The following GDA variants were observed in gnomAD, a reference collection of about 807,000 sequenced individuals.
GDA encodes cytoplasmic PSD-95 interactor.
GDA carries 18 observed loss-of-function variants against 59.6 expected under a neutral mutation model. The ratio of observed to expected loss-of-function variants is 0.30; its 90% CI spans 0.21 to 0.45. GDA has a LOEUF of 0.45. GDA is among the 20% of genes least tolerant of loss of function. The probability of loss-of-function intolerance (pLI) is 1.00; values close to 1 mark genes in which losing one functional copy is unlikely to be tolerated. For synonymous variants in GDA, 201 were observed against 201.1 expected (o/e 1.00, Z 0.00); for missense variants, 427 against 552.3 (o/e 0.77, Z 2.27).
Position 72,188,975 on chromosome 9 carries a change from A to T in GDA, c.124-6525A>T, listed in dbSNP as rs187908596. 1.0e-3 allele frequency among the ~76,000 whole-genome samples: 153 copies of T among 152,116 alleles called. 1 individual carries two copies. The highest frequency in any genetic ancestry group is 3.5e-3 in the African/African-American group (144 of 41,496). On this transcript the variant is annotated intron_variant, in intron 1 of 13. Transcript: ENST00000358399. ...CCCATTGGGTTTTGGACTTAATTGGAGTCTGTTACTCTTCTCTTTTTGCCT... is the reference window on the plus strand; with the variant it reads ...CCCATTGGGTTTTGGACTTAATTGGTGTCTGTTACTCTTCTCTTTTTGCCT...
At chr9:72,157,273 T>C (rs1319071157) in intron 1 of GDA, among the ~76,000 whole-genome samples, 2 of 152,134 alleles carry the variant, frequency 1.3e-5, no homozygotes, top group African/African-American at 4.8e-5. Flanking sequence ...ACTCCTGACC[T>C]CAGGTGATCC....
chr9:72,137,873 G>A (rs941024848), intron 1 of GDA, among the ~76,000 whole-genome samples: 3 of 152,170 alleles, frequency 2.0e-5, no homozygotes, highest in African/African-American at 7.2e-5. Flanking sequence ...AACACGAAGG[G>A]TGGCTCTACA....
In GDA at chr9:72,250,829, T is replaced by C. The variant is rs768739497; in HGVS notation, c.*2487T>C. On this transcript the variant is annotated 3_prime_UTR_variant, in exon 14 of 14. Coordinates refer to ENST00000358399, the MANE Select transcript of GDA (RefSeq NM_004293.5). ...ATGTTCCATGGTATTTTCAACGGAA[T>C]ACACTTTGAAAGGTAAAAACAATTC... The C allele has an allele frequency of 1.9e-6, 3 of 1,609,858 alleles. No individual in the cohort carries two copies. The Admixed American group carries it at 5.0e-5, about 27-fold the overall frequency.
chr9:72,171,578 T>G (rs1277886863), intron 1 of GDA, among the ~76,000 whole-genome samples: 2 of 152,122 alleles, frequency 1.3e-5, no homozygotes, highest in Non-Finnish European at 2.9e-5. Flanking sequence ...TTTTTTTTCC[T>G]GTTCAGAGAT....
chr9:72,130,570 C>T (rs1433279521), intron 1 of GDA, among the ~76,000 whole-genome samples: 1 of 152,184 alleles, frequency 6.6e-6, no homozygotes. Context: ...AGTGGCCAAA[C>T]TCCACTTCCA....
chr9:72,175,677 CT>C (rs991631451), intron 1 of GDA, among the ~76,000 whole-genome samples: 14 of 152,182 alleles, frequency 9.2e-5, no homozygotes, highest in African/African-American at 3.1e-4. Context: ...CTGCATTAAT[CT>C]TTTGTTGTAG....
chr9:72,253,041 A>G (rs890588735), downstream of GDA, among the ~76,000 whole-genome samples: 3 of 152,222 alleles, frequency 2.0e-5, no homozygotes, highest in African/African-American at 7.2e-5. Flanking sequence ...AAGTGATATT[A>G]CGGATCCTCC....
intron 5 of GDA, among the ~76,000 whole-genome samples, chr9:72,216,060 A>G (rs1836067802): frequency 2.0e-5 from 3 of 152,226 alleles, no homozygotes; most frequent in African/African-American, 7.2e-5. Flanking sequence ...TTATGCACAG[A>G]TAGGTAGCAA....
intron 10 of GDA, 109 bp downstream of exon 10, chr9:72,231,290 T>G (rs1431600190): frequency 1.7e-5 from 12 of 690,474 alleles, no homozygotes; most frequent in Non-Finnish European, 3.2e-5. Flanking sequence ...AAAAAATTAG[T>G]TTTGGGCCGG....
chr9:72,198,269 G>A (rs1428644734), intron 2 of GDA, among the ~76,000 whole-genome samples: 1 of 151,652 alleles, frequency 6.6e-6, no homozygotes, highest in African/African-American at 2.4e-5. Context: ...GCCGGGTGCG[G>A]TGGCTCACAC....
chr9:72,169,208 G>A (rs1829675502), intron 1 of GDA, among the ~76,000 whole-genome samples: 1 of 152,200 alleles, frequency 6.6e-6, no homozygotes, highest in Non-Finnish European at 1.5e-5. Flanking sequence ...TTTGGGAAGT[G>A]GGGGAAAGCT....
intron 1 of GDA, among the ~76,000 whole-genome samples, chr9:72,126,566 C>CTTTTTT (rs72370881): frequency 3.2e-4 from 43 of 133,654 alleles, no homozygotes; most frequent in African/African-American, 1.2e-3. Flanking sequence ...CCTGGTTAGT[C>CTTTTTT]TTTTTTTTTT....
At chr9:72,153,308 T>C (rs889617126) in intron 1 of GDA, among the ~76,000 whole-genome samples, 6 of 152,100 alleles carry the variant, frequency 3.9e-5, no homozygotes, top group East Asian at 1.9e-4. Context: ...TTTAAAGTAG[T>C]TTTTTCCAAT....
intron 1 of GDA, among the ~76,000 whole-genome samples, chr9:72,187,463 T>A (rs1003264505): frequency 6.6e-6 from 1 of 152,220 alleles, no homozygotes; most frequent in Non-Finnish European, 1.5e-5. Flanking sequence ...GGTGCCATGC[T>A]CTTGGAATTC....
At chr9:72,135,943 T>G (rs1826210254) in intron 1 of GDA, among the ~76,000 whole-genome samples, 1 of 152,056 alleles carries the variant, frequency 6.6e-6, no homozygotes, top group East Asian at 2.0e-4. Flanking sequence ...TTGACATTTA[T>G]TTCTCTAACT....
At chr9:72,163,593 C>T (rs1828926016) in intron 1 of GDA, among the ~76,000 whole-genome samples, 3 of 151,810 alleles carry the variant, frequency 2.0e-5, no homozygotes, top group African/African-American at 4.8e-5. Context: ...CCCGGGTTCA[C>T]GCCATTCTCC....
intron 1 of GDA, among the ~76,000 whole-genome samples, chr9:72,131,472 T>A (rs1249716497): frequency 6.6e-6 from 1 of 150,810 alleles, no homozygotes; most frequent in African/African-American, 2.4e-5. Flanking sequence ...TTTATGAGCA[T>A]CCACCCCCAC....
At chr9:72,257,932 G>GAA (rs77904666), downstream of GDA, 4 of 98,468 alleles carry the variant, frequency 4.1e-5, no homozygotes, top group Admixed American at 1.1e-4. Flanking sequence ...ACCTAGTCTC[G>GAA]AAAAAAAAAA....
At position 72,249,188 on chromosome 9, in the gene GDA, T is replaced by C; in HGVS notation, c.*846T>C. The C allele has an allele frequency of 1.0e-6, 1 of 984,190 alleles. No individual in the cohort carries two copies. Among genetic ancestry groups the C allele is most frequent in the Non-Finnish European group, 1.2e-6 (1 of 828,762 alleles). 61.0% of individuals were successfully genotyped at this position (984,190 alleles called of 1,614,324 possible). On this transcript the variant is annotated 3_prime_UTR_variant, in exon 14 of 14. Transcript: ENST00000358399. ...TTTATTAGAAGAGAAACAAATTCCATGCTTTATGGAATTTATGTAGACTGG... is the reference window on the plus strand; with the variant it reads ...TTTATTAGAAGAGAAACAAATTCCACGCTTTATGGAATTTATGTAGACTGG...
Sources: allele counts gnomAD v4.1 joint callset (sites outside exome capture counted in the v4.1 genomes callset), GRCh38; gene constraint gnomAD v4.1.1; transcripts MANE v1.5; gene names NCBI Gene and HGNC (gene_info 2026-07-23, HGNC 2026-07-21).